RIMS2: variants seen among roughly 807,000 people sequenced by gnomAD.
The protein encoded by RIMS2 is regulating synaptic membrane exocytosis protein 2.
Under a neutral mutation model 174.4 loss-of-function variants are expected in RIMS2, and 59 were observed. The observed-to-expected ratio is 0.34, with a 90% confidence interval of 0.27 to 0.42. The LOEUF (loss-of-function observed/expected upper bound fraction) is 0.42, where lower values mean the gene tolerates loss of function less well. Ranked by LOEUF, RIMS2 falls within the 10% of genes least tolerant of loss-of-function variation. The pLI is 1.00. For synonymous variants in RIMS2, 606 were observed against 572.5 expected, an observed-to-expected ratio of 1.06 and a Z score of -0.84; for missense variants, 1,620 against 1,666.3, an observed-to-expected ratio of 0.97 and a Z score of 0.48.
intron 1 of RIMS2, among the ~76,000 whole-genome samples, chr8:103,650,085 G>T (rs2096421274): frequency 6.6e-6 from 1 of 152,124 alleles, no homozygotes; most frequent in Non-Finnish European, 1.5e-5. Flanking sequence ...TGGGGTTGGT[G>T]ACCTTTGATT....
At chr8:103,843,749 G>T (rs2098953512) in intron 3 of RIMS2, among the ~76,000 whole-genome samples, 1 of 152,244 alleles carries the variant, frequency 6.6e-6, no homozygotes, top group South Asian at 2.1e-4. Flanking sequence ...ACCACATGAT[G>T]CTATGGCATA....
At chr8:103,635,455 G>A (rs2135367583) in intron 1 of RIMS2, among the ~76,000 whole-genome samples, 1 of 152,220 alleles carries the variant, frequency 6.6e-6, no homozygotes, top group Non-Finnish European at 1.5e-5. Context: ...ATAACACTCT[G>A]GCCACTTTTC....
chr8:104,098,120 A>G (rs1489062422), intron 19 of RIMS2, among the ~76,000 whole-genome samples: 1 of 152,196 alleles, frequency 6.6e-6, no homozygotes, highest in Non-Finnish European at 1.5e-5. Flanking sequence ...TGAATGTAAA[A>G]GTAGAAATGA....
chr8:104,245,015 A>G (rs757760236), exon 20 of RIMS2: 1 of 1,613,974 alleles, frequency 6.2e-7, no homozygotes, highest in Admixed American at 1.7e-5. Flanking sequence ...GCAAGCCGAG[A>G]GTCTACAGAT....
intron 20 of RIMS2, among the ~76,000 whole-genome samples, chr8:104,246,301 G>A (rs1421691313): frequency 6.6e-6 from 1 of 152,094 alleles, no homozygotes; most frequent in East Asian, 1.9e-4. Context: ...TATAGGTCTG[G>A]TTCTCTCATC....
intron 3 of RIMS2, among the ~76,000 whole-genome samples, chr8:103,867,603 G>A (rs1010175948): frequency 6.6e-6 from 1 of 151,880 alleles, no homozygotes; most frequent in Non-Finnish European, 1.5e-5. Flanking sequence ...AAATGCCAAA[G>A]TAGCAATTGA....
At chr8:103,744,297 G>C (rs2097787359) in intron 2 of RIMS2, among the ~76,000 whole-genome samples, 2 of 152,206 alleles carry the variant, frequency 1.3e-5, no homozygotes, top group South Asian at 4.1e-4. Flanking sequence ...ACCCACCTCA[G>C]CCTCCCAAAG....
At chr8:103,980,822 A>G (rs1423981261) in intron 16 of RIMS2, among the ~76,000 whole-genome samples, 3 of 152,158 alleles carry the variant, frequency 2.0e-5, no homozygotes, top group Non-Finnish European at 4.4e-5. Context: ...GGTAGATCCC[A>G]CAGGGAGAGG....
intron 1 of RIMS2, among the ~76,000 whole-genome samples, chr8:103,665,989 T>G (rs567908068): frequency 6.6e-5 from 10 of 152,336 alleles, no homozygotes; most frequent in African/African-American, 2.2e-4. Flanking sequence ...ATATTTCAGT[T>G]GACTTGTTAG....
chr8:104,130,054 T>C lies in RIMS2; in HGVS notation c.3335-114862T>C, dbSNP rs763522373. Among the ~76,000 whole-genome samples, 4 of 152,358 alleles carry C rather than the reference T, an allele frequency of 2.6e-5. 1 individual carries two copies. The highest frequency in any genetic ancestry group is 4.4e-5 in the Non-Finnish European group (3 of 68,036). On this transcript the variant is annotated intron_variant, in intron 19 of 23. Transcript: ENST00000504942. ...TTACTAGGAGTTTTCATTCAAATAG[T>C]AAATTTATTGAATTAATTTATTCAA...
intron 17 of RIMS2, chr8:103,998,057 AAC>A (rs1468614495): frequency 9.5e-6 from 6 of 632,182 alleles, no homozygotes; most frequent in Non-Finnish European, 1.6e-5. Context: ...GCTTTCCAAT[AAC>A]AGTTTCCATG....
intron 4 of RIMS2, among the ~76,000 whole-genome samples, chr8:103,899,229 A>G (rs1222742382): frequency 6.6e-6 from 1 of 151,732 alleles, no homozygotes; most frequent in African/African-American, 2.4e-5. Flanking sequence ...TCCTTTGGGT[A>G]TATACCCAGT....
chr8:104,046,971 T>C (rs187149475), intron 19 of RIMS2, among the ~76,000 whole-genome samples: 194 of 152,186 alleles, frequency 1.3e-3, no homozygotes, highest in Admixed American at 3.4e-3. Context: ...ATGAAATATA[T>C]GTACGTATAA....
chr8:104,057,905 T>G (rs1186628148), intron 19 of RIMS2, among the ~76,000 whole-genome samples: 2 of 151,966 alleles, frequency 1.3e-5, no homozygotes, highest in Non-Finnish European at 2.9e-5. Flanking sequence ...AACTCATCAT[T>G]TTTTATGGCT....
intron 19 of RIMS2, among the ~76,000 whole-genome samples, chr8:104,181,522 A>G (rs1220983907): frequency 1.3e-5 from 2 of 151,606 alleles, no homozygotes; most frequent in East Asian, 1.9e-4. Context: ...AAACTGTACT[A>G]CTGAGTCCAT....
chr8:104,156,254 C>A (rs1191442760), intron 19 of RIMS2, among the ~76,000 whole-genome samples: 1 of 152,118 alleles, frequency 6.6e-6, no homozygotes, highest in Non-Finnish European at 1.5e-5. Flanking sequence ...GTGGGCTTTC[C>A]CTCTTAGAAG....
At chr8:103,614,393 GGCCTTTGCTA>G (rs1421337810) in intron 1 of RIMS2, among the ~76,000 whole-genome samples, 1 of 152,246 alleles carries the variant, frequency 6.6e-6, no homozygotes, top group African/African-American at 2.4e-5. Flanking sequence ...TGTGCTGCAT[GGCCTTTGCTA>G]GTGCATTGGA....
chr8:103,574,811 G>C (rs115523236), intron 1 of RIMS2, among the ~76,000 whole-genome samples: 2 of 152,110 alleles, frequency 1.3e-5, no homozygotes, highest in South Asian at 2.1e-4. Context: ...TTTACTTAGC[G>C]TACACCAAAT....
At chr8:103,538,727 G>T (rs1314612424) in intron 1 of RIMS2, among the ~76,000 whole-genome samples, 1 of 152,124 alleles carries the variant, frequency 6.6e-6, no homozygotes, top group African/African-American at 2.4e-5. Context: ...ATGTTAGCCA[G>T]GGTGGTCTCA....
Sources: allele counts gnomAD v4.1 joint callset (sites outside exome capture counted in the v4.1 genomes callset), GRCh38; gene constraint gnomAD v4.1.1; transcripts MANE v1.5; gene names NCBI Gene and HGNC (gene_info 2026-07-23, HGNC 2026-07-21).